Variants in FERMT2 observed in about 807,000 individuals in gnomAD.
FERMT2 encodes the protein FERM domain containing kindlin 2, also known as fermitin family homolog 2.
Under a neutral mutation model 82.7 loss-of-function variants are expected in FERMT2, and 15 were observed. The ratio of observed to expected loss-of-function variants is 0.18; its 90% confidence interval spans 0.12 to 0.28. FERMT2 has a LOEUF of 0.28. Among genes scored for constraint, FERMT2 ranks in the 10% least tolerant of loss-of-function variants. The pLI, the probability that FERMT2 is intolerant of heterozygous loss-of-function variation, is 1.00. For missense variants in FERMT2, 645 were observed against 809.4 expected, an observed-to-expected ratio of 0.80 and a Z score of 2.46; for synonymous variants, 274 against 271.5, an observed-to-expected ratio of 1.01 and a Z score of -0.09.
chr14:52,901,105 C>CAAAAA (rs71125146), intron 3 of FERMT2, among the ~76,000 whole-genome samples: 2 of 68,620 alleles, frequency 2.9e-5, no homozygotes, highest in African/African-American at 1.3e-4. Flanking sequence ...ACTAAAAATA[C>CAAAAA]AAAAAAAAAA....
At chr14:52,943,252 T>C (rs778220812) in intron 2 of FERMT2, among the ~76,000 whole-genome samples, 30 of 151,896 alleles carry the variant, frequency 2.0e-4, no homozygotes, top group Non-Finnish European at 3.4e-4. Flanking sequence ...GCACTGATAC[T>C]AAGAACCTTA....
At chr14:52,927,223 A>G (rs975205411) in intron 2 of FERMT2, among the ~76,000 whole-genome samples, 4 of 152,150 alleles carry the variant, frequency 2.6e-5, no homozygotes, top group Admixed American at 1.3e-4. Context: ...TTAGTCTACC[A>G]AACAGCTTTT....
intron 7 of FERMT2, among the ~76,000 whole-genome samples, chr14:52,875,932 T>C (rs1467597171): frequency 6.6e-6 from 1 of 152,036 alleles, no homozygotes; most frequent in African/African-American, 2.4e-5. Flanking sequence ...TATACGTGGG[T>C]GGGGTGGGGG....
chr14:52,887,883 G>A (rs893640422), intron 4 of FERMT2, among the ~76,000 whole-genome samples: 6 of 151,938 alleles, frequency 3.9e-5, no homozygotes, highest in African/African-American at 1.5e-4. Flanking sequence ...TTAACCTTGG[G>A]AAAATAACTC....
intron 3 of FERMT2, among the ~76,000 whole-genome samples, chr14:52,910,107 C>G (rs1888231729): frequency 6.6e-6 from 1 of 152,072 alleles, no homozygotes. Flanking sequence ...TTTATTGTTA[C>G]CACTAAAAGC....
intron 3 of FERMT2, among the ~76,000 whole-genome samples, chr14:52,916,564 G>T (rs1389661768): frequency 6.6e-6 from 1 of 152,136 alleles, no homozygotes; most frequent in Non-Finnish European, 1.5e-5. Flanking sequence ...GAGCACAGAA[G>T]ATTTTTAGGA....
At chr14:52,872,542 AAAAAG>A (rs1189328190) in intron 10 of FERMT2, among the ~76,000 whole-genome samples, 2 of 152,176 alleles carry the variant, frequency 1.3e-5, no homozygotes, top group Admixed American at 6.5e-5. Flanking sequence ...TCAAAAAACA[AAAAAG>A]AAAAGTTGAA....
chr14:52,896,532 AT>A (rs1459464114), intron 3 of FERMT2, among the ~76,000 whole-genome samples: 1 of 152,194 alleles, frequency 6.6e-6, no homozygotes, highest in Non-Finnish European at 1.5e-5. Context: ...TCCACTATTT[AT>A]TAGCTGTGTG....
intron 4 of FERMT2, among the ~76,000 whole-genome samples, chr14:52,884,880 T>TA (rs1886500839): frequency 6.6e-6 from 1 of 151,906 alleles, no homozygotes; most frequent in Middle Eastern, 3.2e-3. Context: ...TGCACGCCTA[T>TA]AGTCCCAGCT....
chr14:52,934,559 T>A (rs1889748341), intron 2 of FERMT2, among the ~76,000 whole-genome samples: 1 of 152,216 alleles, frequency 6.6e-6, no homozygotes, highest in Non-Finnish European at 1.5e-5. Context: ...GCTCCTTCAG[T>A]ATGCAAAGTT....
At chr14:52,950,665 T>G (rs986959915) in intron 1 of FERMT2, 88 bp from the exon 2 acceptor site, 2 of 1,378,712 alleles carry the variant, frequency 1.5e-6, no homozygotes, top group East Asian at 4.7e-5. Flanking sequence ...GGCCACGGGC[T>G]GGGAGGTGGT....
At chr14:52,882,133 A>G (rs1350523994) in intron 4 of FERMT2, among the ~76,000 whole-genome samples, 3 of 152,236 alleles carry the variant, frequency 2.0e-5, no homozygotes, top group Non-Finnish European at 4.4e-5. Context: ...AAGGTAACAC[A>G]ATAGAACTGA....
chr14:52,859,556 C>A lies in FERMT2; in HGVS notation c.1869+17G>T. 1 of 1,581,702 alleles carries A rather than the reference C, an allele frequency of 6.3e-7. No individual in the cohort carries two copies. Among genetic ancestry groups the A allele is most frequent in the Non-Finnish European group, 8.6e-7 (1 of 1,161,250 alleles). ...TCAGAGAAGGACTATATTCAAGTAA[C>A]ATTGTTATGAGTTTACCATTTTGAT... On this transcript the variant is annotated intron_variant, in intron 14 of 14. Transcript: ENST00000341590.
chr14:52,946,684 T>A (rs1018917936), intron 2 of FERMT2, among the ~76,000 whole-genome samples: 1 of 151,700 alleles, frequency 6.6e-6, no homozygotes, highest in Non-Finnish European at 1.5e-5. Context: ...TTTTCACAAT[T>A]CTTTTTTTTT....
chr14:52,939,513 A>G (rs1336867296), intron 2 of FERMT2, among the ~76,000 whole-genome samples: 2 of 152,346 alleles, frequency 1.3e-5, no homozygotes, highest in Non-Finnish European at 2.9e-5. Flanking sequence ...TGTAATTATC[A>G]TCATAGCTAC....
At chr14:52,911,187 C>T (rs1207498618) in intron 3 of FERMT2, among the ~76,000 whole-genome samples, 1 of 152,098 alleles carries the variant, frequency 6.6e-6, no homozygotes, top group Non-Finnish European at 1.5e-5. Flanking sequence ...GCAAAAGCAA[C>T]CACAGACAAT....
intron 2 of FERMT2, among the ~76,000 whole-genome samples, chr14:52,947,437 C>A (rs905137849): frequency 2.0e-5 from 3 of 152,158 alleles, no homozygotes; most frequent in Non-Finnish European, 4.4e-5. Context: ...CGGGATCGCG[C>A]TACTGCACTC....
intron 10 of FERMT2, 120 bp downstream of exon 10, chr14:52,872,679 C>T: frequency 1.0e-6 from 1 of 975,148 alleles, no homozygotes; most frequent in African/African-American, 1.6e-5. Flanking sequence ...TTTTCAAGTA[C>T]CCAAAGGAGT....
intron 3 of FERMT2, among the ~76,000 whole-genome samples, chr14:52,905,535 G>A (rs1887954986): frequency 6.6e-6 from 1 of 152,210 alleles, no homozygotes; most frequent in Admixed American, 6.5e-5. Flanking sequence ...AGAGGTGGTG[G>A]CGAATAGACT....
Sources: allele counts gnomAD v4.1 joint callset (sites outside exome capture counted in the v4.1 genomes callset), GRCh38; gene constraint gnomAD v4.1.1; transcripts MANE v1.5; gene names NCBI Gene and HGNC (gene_info 2026-07-23, HGNC 2026-07-21).